FAM120A: variants seen among roughly 807,000 people sequenced by gnomAD.
The protein encoded by FAM120A is family with sequence similarity 120 member A.
A neutral mutation model predicts 109.7 loss-of-function variants in FAM120A; 15 were observed. The ratio of observed to expected loss-of-function variants is 0.14; its 90% CI spans 0.09 to 0.21. FAM120A has a LOEUF of 0.21. Among genes scored for constraint, FAM120A ranks in the 10% least tolerant of loss-of-function variants. FAM120A has a pLI of 1.00. For synonymous variants in FAM120A, 493 were observed against 572.8 expected (o/e 0.86, Z 1.99); for missense variants, 899 against 1,439.3 (o/e 0.62, Z 6.07).
At chr9:93,468,154 G>C (rs899424218) in intron 1 of FAM120A, among the ~76,000 whole-genome samples, 9 of 152,284 alleles carry the variant, frequency 5.9e-5, no homozygotes, top group Middle Eastern at 3.4e-3. Context: ...AAAGTGCTGG[G>C]ATTACAGGTG....
At chr9:93,525,456 G>A (rs1861036047) in intron 7 of FAM120A, among the ~76,000 whole-genome samples, 1 of 152,196 alleles carries the variant, frequency 6.6e-6, no homozygotes, top group African/African-American at 2.4e-5. Context: ...TTGTGGGTCT[G>A]CGTGGTTAAT....
intron 3 of FAM120A, among the ~76,000 whole-genome samples, chr9:93,493,108 C>T (rs921071602): frequency 2.0e-5 from 3 of 152,194 alleles, no homozygotes; most frequent in Non-Finnish European, 4.4e-5. Context: ...CCAGGCTCTC[C>T]GGGTGCTACT....
chr9:93,520,046 A>G (rs941222115), intron 7 of FAM120A, among the ~76,000 whole-genome samples: 2 of 151,902 alleles, frequency 1.3e-5, no homozygotes, highest in African/African-American at 4.8e-5. Context: ...GCTAACCTGT[A>G]TTATTTGTAG....
intron 11 of FAM120A, among the ~76,000 whole-genome samples, chr9:93,543,793 T>C (rs1280696543): frequency 6.6e-6 from 1 of 152,234 alleles, no homozygotes; most frequent in Non-Finnish European, 1.5e-5. Flanking sequence ...ATTCTTGTTA[T>C]ATATTATTTG....
chr9:93,533,037 T>C (rs1277750020), intron 10 of FAM120A, among the ~76,000 whole-genome samples: 1 of 152,186 alleles, frequency 6.6e-6, no homozygotes. Context: ...GGTAATTTTA[T>C]CTCCTAATGT....
In FAM120A at chr9:93,564,825, G is replaced by A. The variant is rs914149182; in HGVS notation, c.*285G>A. 9 of 320,650 alleles carry A rather than the reference G, an allele frequency of 2.8e-5. No individual in the cohort carries two copies. Among genetic ancestry groups the A allele is most frequent in the African/African-American group, 1.9e-4 (9 of 46,838 alleles). The allele number at this position is 320,650 out of a possible 1,614,324, so 19.9% of individuals were successfully genotyped here. ...TACACATAAAGTTTAAACTGGTTATGACAAAAGCCTTTAGTTGTGTTTCTT... is the reference window on the plus strand; with the variant it reads ...TACACATAAAGTTTAAACTGGTTATAACAAAAGCCTTTAGTTGTGTTTCTT... On this transcript the variant is annotated 3_prime_UTR_variant, in exon 18 of 18. Transcript: ENST00000277165.
chr9:93,458,195 A>G (rs904102357), intron 1 of FAM120A, among the ~76,000 whole-genome samples: 2 of 151,036 alleles, frequency 1.3e-5, no homozygotes, highest in Non-Finnish European at 2.9e-5. Context: ...GTGAATTTCT[A>G]ATTGCACTTT....
At chr9:93,493,773 T>C (rs1041055935) in intron 3 of FAM120A, among the ~76,000 whole-genome samples, 8 of 152,330 alleles carry the variant, frequency 5.3e-5, no homozygotes, top group African/African-American at 1.9e-4. Context: ...CTGTGGGTTT[T>C]GGGCAGAGTC....
chr9:93,523,491 A>G (rs1403349170), intron 7 of FAM120A: 7 of 340,610 alleles, frequency 2.1e-5, no homozygotes, highest in Non-Finnish European at 2.2e-5. Context: ...ACCATTTCTA[A>G]TATCTTCTCA....
chr9:93,512,398 T>C (rs1860367566), intron 5 of FAM120A, among the ~76,000 whole-genome samples: 1 of 152,250 alleles, frequency 6.6e-6, no homozygotes, highest in African/African-American at 2.4e-5. Context: ...AGCCGAGGGA[T>C]TGCAGTGCAT....
chr9:93,561,197 G>A lies in FAM120A; in HGVS notation c.2895G>A (p.Gly965=), dbSNP rs761882081. The A allele has an allele frequency of 9.3e-6, 15 of 1,613,530 alleles. No individual in the cohort carries two copies. The highest frequency in any genetic ancestry group is 1.2e-5 in the Non-Finnish European group (14 of 1,179,904). The change falls in exon 16 of 18, where the codon GGG becomes GGA. Residue 965 remains glycine, a synonymous_variant. Transcript: ENST00000277165. ...GHWAGSRRGR[G]GRGPFPLQVV... ...GGGCTGGGAGCAGGCGGGGCCGTGG[G>A]GGCCGGGGGCCTTTCCCCCTGCAGG...
At position 93,452,281 on chromosome 9, in the gene FAM120A, C is replaced by A. The variant is rs767874895; in HGVS notation, c.366C>A (p.Ile122=). 6.2e-7 allele frequency: 1 copy of A among 1,612,668 alleles called. No homozygotes were observed. The highest frequency in any genetic ancestry group is 1.7e-5 in the Admixed American group (1 of 60,008). Reference sequence around the variant, plus strand: ...ACGAGCGCCAGACGGCACAGCAGATCGTCAGCCATGTCCAGAACAAGGGCA... The same window carrying A: ...ACGAGCGCCAGACGGCACAGCAGATAGTCAGCCATGTCCAGAACAAGGGCA... ...QGNERQTAQQ[I]VSHVQNKGTP... Residue 122 remains isoleucine, a synonymous_variant, in exon 1 of 18, where the codon ATC becomes ATA. Transcript: ENST00000277165. This position sits in a 1 kb window ranked among gnomAD's most constrained non-coding sequence, Gnocchi z 7.0.
At position 93,558,643 on chromosome 9, in the gene FAM120A, C is replaced by T. The variant is rs762770311; in HGVS notation, c.2731C>T (p.Arg911Cys). 11 of 1,614,060 alleles carry T rather than the reference C, an allele frequency of 6.8e-6. No individual in the cohort carries two copies. Among genetic ancestry groups the T allele is most frequent in the East Asian group, 6.7e-5 (3 of 44,898 alleles). Residue 911 changes from arginine (R) to cysteine (C), a missense_variant, in exon 15 of 18, where the codon CGT (arginine) becomes TGT (cysteine). By Grantham distance (180) the Arg-to-Cys change is radical. Around this residue, in one of 11 missense-constraint regions of FAM120A, gnomAD observed 129 missense variants for 153.4 expected, o/e 0.84. Transcript: ENST00000277165. ...AGCAACAGGCCCTTACCGTGCCTTC[C>T]GTGTGGCGGCAGCATCGGGACACTG... ...TVATGPYRAF[R>C]VAAASGHCGA...
chr9:93,498,628 A>G lies in FAM120A; in HGVS notation c.934-162A>G, dbSNP rs1413945790. ...TTCACGTTTGGTTTGATTCTTTTGT[A>G]GTAATCTATTGATTTTCCCTGAAAG... On this transcript the variant is annotated intron_variant, in intron 4 of 17. Coordinates refer to ENST00000277165, the MANE Select transcript of FAM120A (RefSeq NM_014612.5). This position sits in a 1 kb window ranked among gnomAD's most constrained non-coding sequence, Gnocchi z 4.4. 6.6e-6 allele frequency among the ~76,000 whole-genome samples: 1 copy of G among 152,252 alleles called. No individual in the cohort carries two copies. The highest frequency in any genetic ancestry group is 1.5e-5 in the Non-Finnish European group (1 of 68,040).
rs1247616022 is a variant in FAM120A at position 93,565,159 on chromosome 9, T to C, written c.*619T>C. ...CTGATTTTAAATATACAATACATCA[T>C]ACATACTTTACAAGCAAGTTAAATG... On this transcript the variant is annotated 3_prime_UTR_variant, in exon 18 of 18. Coordinates refer to ENST00000277165, the MANE Select transcript of FAM120A (RefSeq NM_014612.5). The C allele has an allele frequency of 6.6e-6, 1 of 152,600 alleles. No individual in the cohort carries two copies. Among genetic ancestry groups the C allele is most frequent in the Non-Finnish European group, 1.5e-5 (1 of 68,032 alleles). 9.5% of individuals were successfully genotyped at this position (152,600 alleles called of 1,614,324 possible).
At chr9:93,483,056 A>G (rs1376746740) in intron 3 of FAM120A, among the ~76,000 whole-genome samples, 1 of 152,204 alleles carries the variant, frequency 6.6e-6, no homozygotes, top group Non-Finnish European at 1.5e-5. Flanking sequence ...TCTTTCTGAA[A>G]TCTTTTTTTA....
chr9:93,536,359 G>T (rs924232225), intron 10 of FAM120A, among the ~76,000 whole-genome samples: 1 of 152,226 alleles, frequency 6.6e-6, no homozygotes, highest in Admixed American at 6.5e-5. Context: ...ATGGGCTCCA[G>T]TGAGAGCCTG....
intron 1 of FAM120A, among the ~76,000 whole-genome samples, chr9:93,470,863 A>C (rs910082812): frequency 6.6e-6 from 1 of 152,122 alleles, no homozygotes; most frequent in Admixed American, 6.5e-5. Flanking sequence ...TTTTCAAGCA[A>C]GGTGATCTTT....
intron 1 of FAM120A, among the ~76,000 whole-genome samples, chr9:93,465,948 T>G (rs1244731081): frequency 2.6e-5 from 4 of 152,176 alleles, no homozygotes; most frequent in Non-Finnish European, 5.9e-5. Context: ...ATGCTTTCTC[T>G]ATATTAAATT....
Sources: allele counts gnomAD v4.1 joint callset (sites outside exome capture counted in the v4.1 genomes callset), GRCh38; gene constraint gnomAD v4.1.1; regional missense constraint gnomAD v4.1.1; non-coding constraint Gnocchi (gnomAD v3.1); transcripts MANE v1.5; gene names NCBI Gene and HGNC (gene_info 2026-07-23, HGNC 2026-07-21).